The following GLI3 variants were observed in gnomAD, a reference collection of about 807,000 sequenced individuals.
GLI3 encodes the protein transcription activator GLI3.
GLI3 carries 20 observed loss-of-function variants against 100.8 expected under a neutral mutation model. The observed-to-expected ratio is 0.20, with a 90% CI of 0.14 to 0.29. GLI3 has a LOEUF of 0.29. GLI3 is among the 10% of genes least tolerant of loss of function. The pLI is 1.00. For synonymous variants in GLI3, 938 were observed against 860.5 expected (o/e 1.09, Z -1.58); for missense variants, 2,040 against 2,128.5 (o/e 0.96, Z 0.82).
chr7:42,019,332 C>G (rs1788867208), intron 10 of GLI3, among the ~76,000 whole-genome samples: 1 of 152,288 alleles, frequency 6.6e-6, no homozygotes, highest in African/African-American at 2.4e-5. Flanking sequence ...TTCAGAGAAC[C>G]TGAGACTAAC....
chr7:42,235,261 C>T (rs1002189796), intron 1 of GLI3, among the ~76,000 whole-genome samples: 1 of 152,044 alleles, frequency 6.6e-6, no homozygotes, highest in South Asian at 2.1e-4. Context: ...TCAAAATTAC[C>T]GAGCAATTAC....
In GLI3 at chr7:42,148,383, T is replaced by G; in HGVS notation, c.210A>C (p.Lys70Asn). ...TCGATGTTGAAGGTTCCTCACTGACTTTGCTGAGCCCCTGGACATTCTGTG... is the reference window on the plus strand; with the variant it reads ...TCGATGTTGAAGGTTCCTCACTGACGTTGCTGAGCCCCTGGACATTCTGTG... ...MQPQNVQGLS[K>N]VSEEPSTSSD... Residue 70 changes from lysine (K) to asparagine (N), a missense_variant, in exon 3 of 15, where the codon AAA becomes AAC. By Grantham distance (94) the Lys-to-Asn change is moderately conservative. This residue lies in a region of GLI3 where 603 missense variants were observed against 690.9 expected (regional missense o/e 0.87). Transcript: ENST00000395925. 6.2e-7 allele frequency: 1 copy of G among 1,614,182 alleles called. No homozygotes were observed. Among genetic ancestry groups the G allele is most frequent in the Non-Finnish European group, 8.5e-7 (1 of 1,180,040 alleles).
At chr7:42,017,739 T>A (rs1023801719) in intron 10 of GLI3, among the ~76,000 whole-genome samples, 5 of 152,136 alleles carry the variant, frequency 3.3e-5, no homozygotes, top group African/African-American at 1.2e-4. Flanking sequence ...CTAGCGTACA[T>A]CCCAGTTTAG....
chr7:42,179,405 C>G (rs1787547297), intron 2 of GLI3, among the ~76,000 whole-genome samples: 2 of 152,116 alleles, frequency 1.3e-5, no homozygotes, highest in African/African-American at 4.8e-5. Flanking sequence ...GAGTGTGCTG[C>G]CCAAGGCCAC....
chr7:42,022,361 G>T (rs1276715597), intron 10 of GLI3, among the ~76,000 whole-genome samples: 1 of 152,146 alleles, frequency 6.6e-6, no homozygotes, highest in Non-Finnish European at 1.5e-5. Flanking sequence ...AAACGTGTGG[G>T]ATGTAAGAGG....
chr7:42,125,482 C>T (rs1786103733), intron 3 of GLI3, among the ~76,000 whole-genome samples: 1 of 152,206 alleles, frequency 6.6e-6, no homozygotes, highest in African/African-American at 2.4e-5. Flanking sequence ...CTCCAGCGGA[C>T]ACCACTACTG....
chr7:42,166,827 AT>A lies in GLI3; in HGVS notation c.125-18360del, dbSNP rs1218186592. On this transcript the variant is annotated intron_variant, in intron 2 of 14. Coordinates refer to ENST00000395925, the MANE Select transcript of GLI3 (RefSeq NM_000168.6). Reference sequence around the variant, plus strand: ...GGTACACGCCACCATGACCAGCTAAATTTTTTTTTTTTTTAGAGATGGAGTT... The same window carrying A: ...GGTACACGCCACCATGACCAGCTAAATTTTTTTTTTTTTAGAGATGGAGTT... Among the ~76,000 whole-genome samples the A allele has an allele frequency of 9.7e-3, 1,094 of 113,138 alleles. 11 individuals are homozygous for A. Among genetic ancestry groups the A allele is most frequent in the African/African-American group, 0.029 (861 of 29,984 alleles). 74.2% of individuals were successfully genotyped at this position (113,138 alleles called of 152,430 possible).
intron 1 of GLI3, among the ~76,000 whole-genome samples, chr7:42,224,678 C>T (rs1255373463): frequency 1.3e-5 from 2 of 152,240 alleles, no homozygotes; most frequent in Non-Finnish European, 2.9e-5. Flanking sequence ...TTCAGAGACA[C>T]CCCTCAAAGG....
chr7:42,077,477 A>C (rs1175713896), intron 3 of GLI3, among the ~76,000 whole-genome samples: 1 of 151,674 alleles, frequency 6.6e-6, no homozygotes, highest in African/African-American at 2.4e-5. Flanking sequence ...CCAGGGAAAC[A>C]CTGTGCAGCC....
At chr7:42,208,222 A>G (rs1369028770) in intron 2 of GLI3, among the ~76,000 whole-genome samples, 1 of 152,162 alleles carries the variant, frequency 6.6e-6, no homozygotes, top group East Asian at 1.9e-4. Context: ...AGAGCAGGGA[A>G]TAGCATGGAT....
intron 2 of GLI3, among the ~76,000 whole-genome samples, chr7:42,195,483 C>A (rs547964260): frequency 6.6e-6 from 1 of 152,160 alleles, no homozygotes; most frequent in South Asian, 2.1e-4. Flanking sequence ...TGCCTCCTCA[C>A]ATCTGTTTTT....
intron 4 of GLI3, among the ~76,000 whole-genome samples, chr7:42,069,746 T>G (rs1784748937): frequency 2.6e-5 from 4 of 152,244 alleles, no homozygotes; most frequent in Admixed American, 2.6e-4. Flanking sequence ...TCATATTCTC[T>G]GTCACAGTTA....
chr7:42,137,938 C>T (rs1321534185), intron 3 of GLI3, among the ~76,000 whole-genome samples: 6 of 152,166 alleles, frequency 3.9e-5, no homozygotes, highest in African/African-American at 1.4e-4. Context: ...TCTATATATG[C>T]AAATATTCAG....
intron 10 of GLI3, among the ~76,000 whole-genome samples, chr7:42,000,651 A>G (rs530102264): frequency 1.9e-4 from 29 of 152,310 alleles, no homozygotes; most frequent in African/African-American, 6.7e-4. Context: ...ATGCCTATAA[A>G]AAAAGAAAGC....
intron 3 of GLI3, among the ~76,000 whole-genome samples, chr7:42,116,007 ATCAT>A (rs1785844922): frequency 6.6e-6 from 1 of 152,154 alleles, no homozygotes; most frequent in South Asian, 2.1e-4. Context: ...CAGGGAGGGC[ATCAT>A]CAGCTCACAG....
intron 12 of GLI3, among the ~76,000 whole-genome samples, chr7:41,973,606 T>C (rs144151105): frequency 1.8e-3 from 276 of 152,322 alleles, no homozygotes; most frequent in African/African-American, 5.5e-3. Context: ...CATGAATATA[T>C]ATTTATATCT....
chr7:42,090,782 A>G (rs182804436), intron 3 of GLI3, among the ~76,000 whole-genome samples: 3 of 152,366 alleles, frequency 2.0e-5, no homozygotes, highest in Admixed American at 2.0e-4. Flanking sequence ...TCAAAAAAGA[A>G]CTATCATTTA....
intron 1 of GLI3, among the ~76,000 whole-genome samples, chr7:42,245,123 A>G (rs1047883802): frequency 6.6e-6 from 1 of 152,116 alleles, no homozygotes; most frequent in Non-Finnish European, 1.5e-5. Context: ...GGGCCTTCCC[A>G]TTCTTATCCC....
At chr7:42,155,810 A>G (rs2128790876) in intron 2 of GLI3, among the ~76,000 whole-genome samples, 1 of 152,324 alleles carries the variant, frequency 6.6e-6, no homozygotes, top group East Asian at 1.9e-4. Context: ...CATGCAGAGC[A>G]AGCTGCCTCC....
Sources: gnomAD v4.1 joint callset for allele counts (sites outside exome capture counted in the v4.1 genomes callset) on GRCh38, gnomAD v4.1.1 for gene constraint, gnomAD v4.1.1 regional missense constraint, MANE v1.5 for transcripts, NCBI Gene and HGNC (gene_info 2026-07-23, HGNC 2026-07-21) for gene names.